The following MRE11 variants were observed in gnomAD, a reference collection of about 807,000 sequenced individuals.
MRE11 encodes double-strand break repair protein MRE11.
MRE11 carries 62 observed loss-of-function variants against 91.7 expected under a neutral mutation model. The observed-to-expected ratio is 0.68, with a 90% CI of 0.55 to 0.84. The LOEUF is 0.84. Among genes scored for constraint, MRE11 ranks in the 40% least tolerant of loss-of-function variants. The pLI is 0.00. For synonymous variants in MRE11, 273 were observed against 271.4 expected, an observed-to-expected ratio of 1.01 and a Z score of -0.06; for missense variants, 796 against 852.9, an observed-to-expected ratio of 0.93 and a Z score of 0.83.
chr11:94,499,792 T>C, the MRE11 span, among the ~76,000 whole-genome samples: 1 of 152,160 alleles, frequency 6.6e-6, no homozygotes, highest in African/African-American at 2.4e-5. Flanking sequence ...CAGTTGCTCT[T>C]TACTTCAGTT....
At chr11:94,475,549 T>G (rs1946830282) in intron 7 of MRE11, 1 of 454,270 alleles carries the variant, frequency 2.2e-6, no homozygotes, top group African/African-American at 2.0e-5. Flanking sequence ...CCACCTCACA[T>G]TTTTACTGCA....
intron 11 of MRE11, among the ~76,000 whole-genome samples, chr11:94,462,202 C>T (rs1008406890): frequency 6.6e-6 from 1 of 152,104 alleles, no homozygotes; most frequent in East Asian, 1.9e-4. Context: ...GAATAAAATA[C>T]CTAGGAATCC....
chr11:94,428,130 A>C (rs1945372699), intron 19 of MRE11, among the ~76,000 whole-genome samples: 1 of 152,166 alleles, frequency 6.6e-6, no homozygotes, highest in Non-Finnish European at 1.5e-5. Context: ...AACACTACCC[A>C]ACTTTGAACT....
intron 7 of MRE11, chr11:94,473,300 CATG>C (rs1469242306): frequency 6.6e-6 from 1 of 152,100 alleles, no homozygotes; most frequent in Non-Finnish European, 1.5e-5. Flanking sequence ...CCAAATACAA[CATG>C]ATGCCATTGT....
intron 11 of MRE11, among the ~76,000 whole-genome samples, chr11:94,463,006 G>C (rs1050994954): frequency 1.3e-5 from 2 of 152,106 alleles, no homozygotes; most frequent in Non-Finnish European, 2.9e-5. Context: ...CTACAGAATG[G>C]GAGAACATTT....
At chr11:94,461,623 C>A (rs1379978451) in intron 11 of MRE11, among the ~76,000 whole-genome samples, 1 of 152,166 alleles carries the variant, frequency 6.6e-6, no homozygotes, top group Non-Finnish European at 1.5e-5. Flanking sequence ...CCGGCCAGGG[C>A]AATCAGGCAG....
chr11:94,461,972 G>A (rs922390242), intron 11 of MRE11, among the ~76,000 whole-genome samples: 1 of 152,206 alleles, frequency 6.6e-6, no homozygotes, highest in Non-Finnish European at 1.5e-5. Context: ...CGACTCGGGA[G>A]GCTGAGGCAG....
chr11:94,444,146 C>G (rs1167644133), intron 16 of MRE11, among the ~76,000 whole-genome samples: 4 of 151,996 alleles, frequency 2.6e-5, no homozygotes, highest in Non-Finnish European at 5.9e-5. Context: ...TGAGCTCAGG[C>G]AATCCGCCCG....
intron 13 of MRE11, among the ~76,000 whole-genome samples, chr11:94,458,083 C>T (rs867799134): frequency 1.3e-5 from 2 of 152,064 alleles, no homozygotes; most frequent in Admixed American, 6.6e-5. Flanking sequence ...CCTGTCCTAC[C>T]TCTGGAAGTA....
At chr11:94,425,747 AAGAAAGGTATT>A (rs2134764477) in intron 19 of MRE11, among the ~76,000 whole-genome samples, 1 of 152,352 alleles carries the variant, frequency 6.6e-6, no homozygotes, top group Admixed American at 6.5e-5. Context: ...AAAAGGGACA[AAGAAAGGTATT>A]ATATAATGAT....
upstream of MRE11, chr11:94,498,778 C>T: frequency 2.1e-6 from 1 of 481,000 alleles, no homozygotes; most frequent in African/African-American, 2.0e-5. Flanking sequence ...TGTGTGTATA[C>T]TTAAAAACTT....
rs536459245 is a variant in MRE11, at chr11:94,451,441, T to C, written c.1564-4003A>G. 2.0e-5 allele frequency among the ~76,000 whole-genome samples: 3 copies of C among 152,302 alleles called. No individual in the cohort carries two copies. In the East Asian group the frequency reaches 5.8e-4, roughly 29 times the overall value. On this transcript the variant is annotated intron_variant, in intron 14 of 19. Transcript: ENST00000323929. ...ACAGATAAGCCCACTGCTATTTCAATAGTGCCAGAGCATACAGAAAGACAG... is the reference window on the plus strand; with the variant it reads ...ACAGATAAGCCCACTGCTATTTCAACAGTGCCAGAGCATACAGAAAGACAG...
At chr11:94,475,366 T>A in intron 7 of MRE11, 1 of 299,554 alleles carries the variant, frequency 3.3e-6, no homozygotes, top group South Asian at 3.2e-5. Flanking sequence ...TATACCATTT[T>A]ATTCAAGGGA....
At position 94,435,827 on chromosome 11, in the gene MRE11, C is replaced by G; in HGVS notation, c.1994+5G>C. On this transcript the variant is annotated splice_donor_5th_base_variant and intron_variant, in intron 18 of 19. Transcript: ENST00000323929. ...GTTTCTTTTGCAGAAAATCACTGCA[C>G]CTACCTTTGATCTGTCTTTGAAGTG... is the stretch of plus-strand genomic sequence containing the variant. 6.2e-7 allele frequency: 1 copy of G among 1,611,458 alleles called. No individual in the cohort carries two copies. Among genetic ancestry groups the G allele is most frequent in the Non-Finnish European group, 8.5e-7 (1 of 1,177,896 alleles).
At chr11:94,432,207 G>C (rs1339111145) in intron 18 of MRE11, among the ~76,000 whole-genome samples, 1 of 152,110 alleles carries the variant, frequency 6.6e-6, no homozygotes, top group Non-Finnish European at 1.5e-5. Flanking sequence ...AAACCTTCGT[G>C]AGCTAAAATA....
rs13447642 is a variant in MRE11, at chr11:94,465,922, T to G, written c.1099-1683A>C. ...CACAAACTGACTGGGAAGAAAAACA[T>G]GTAAACAGATCACTGGAAGCAGACT... On this transcript the variant is annotated intron_variant, in intron 10 of 19. Coordinates refer to ENST00000323929, the MANE Select transcript of MRE11 (RefSeq NM_005591.4). Among the ~76,000 whole-genome samples the G allele has an allele frequency of 5.5e-3, 830 of 152,196 alleles. 5 individuals carry two copies. The highest frequency in any genetic ancestry group is 9.9e-3 in the Non-Finnish European group (672 of 68,004).
chr11:94,500,709 A>T, the MRE11 span, among the ~76,000 whole-genome samples: 2 of 152,160 alleles, frequency 1.3e-5, no homozygotes, highest in Non-Finnish European at 2.9e-5. Context: ...CTTTGCTTTT[A>T]TGAATCTTAA....
intron 18 of MRE11, among the ~76,000 whole-genome samples, chr11:94,433,347 T>C (rs543138402): frequency 6.6e-6 from 1 of 152,322 alleles, no homozygotes; most frequent in African/African-American, 2.4e-5. Context: ...CAACATCCAA[T>C]ACCTTTGTAG....
At chr11:94,461,934 G>T (rs1457592244) in intron 11 of MRE11, among the ~76,000 whole-genome samples, 2 of 152,136 alleles carry the variant, frequency 1.3e-5, no homozygotes, top group Non-Finnish European at 2.9e-5. Context: ...ATTAGCAGGG[G>T]CGTGGTGACA....
Sources: allele counts gnomAD v4.1 joint callset (sites outside exome capture counted in the v4.1 genomes callset), GRCh38; gene constraint gnomAD v4.1.1; transcripts MANE v1.5; gene names NCBI Gene and HGNC (gene_info 2026-07-23, HGNC 2026-07-21).